Variants in TXNRD1 observed in about 807,000 individuals in gnomAD.
The protein encoded by TXNRD1 is thioredoxin reductase 1, cytoplasmic.
Under a neutral mutation model 80.3 loss-of-function variants are expected in TXNRD1, and 57 were observed. The observed-to-expected ratio is 0.71, with a 90% CI of 0.57 to 0.89. The LOEUF (loss-of-function observed/expected upper bound fraction) is 0.89, where lower values mean the gene tolerates loss of function less well. Ranked by LOEUF, TXNRD1 falls within the 40% of genes least tolerant of loss-of-function variation. TXNRD1 has a pLI of 0.00. For synonymous variants in TXNRD1, 291 were observed against 285.2 expected, an observed-to-expected ratio of 1.02 and a Z score of -0.20; for missense variants, 730 against 803.0, an observed-to-expected ratio of 0.91 and a Z score of 1.10.
Position 104,318,326 on chromosome 12 carries a change from C to T in TXNRD1, c.731-587C>T, listed in dbSNP as rs964566989. Among the ~76,000 whole-genome samples the T allele has an allele frequency of 3.3e-5, 5 of 152,062 alleles. No homozygotes were observed. The East Asian group carries it at 5.8e-4, about 18-fold the overall frequency. ...AAATGAATAGTCAGTGAATTTTTTCCGTAAAAGGCCATATGGTAAATATTT... is the reference window on the plus strand; with the variant it reads ...AAATGAATAGTCAGTGAATTTTTTCTGTAAAAGGCCATATGGTAAATATTT... On this transcript the variant is annotated intron_variant, in intron 7 of 16. Coordinates refer to ENST00000525566, the MANE Select transcript of TXNRD1 (RefSeq NM_001093771.3).
chr12:104,334,621 C>T (rs1002363628), intron 15 of TXNRD1, among the ~76,000 whole-genome samples: 4 of 152,186 alleles, frequency 2.6e-5, no homozygotes, highest in Non-Finnish European at 5.9e-5. Context: ...CTGCCTGTCT[C>T]GGCCTCCCAA....
chr12:104,321,311 A>G lies in TXNRD1; in HGVS notation c.1210A>G (p.Ile404Val). ...CAAGTTTATAAGACAGTTCGTACCA[A>G]TTAAAGTAAGTGGGTTTGCCTGTAG... ...GIKFIRQFVP[I>V]KVEQIEAGTP... The change falls in exon 10 of 17, where the codon ATT becomes GTT. Residue 404 changes from isoleucine to valine, a missense_variant. Physicochemically the swap from Ile to Val is conservative, Grantham distance 29. Transcript: ENST00000525566. The G allele has an allele frequency of 1.2e-6, 2 of 1,613,676 alleles. No individual in the cohort carries two copies. The highest frequency in any genetic ancestry group is 1.7e-6 in the Non-Finnish European group (2 of 1,179,614).
intron 3 of TXNRD1, chr12:104,265,947 C>CA: frequency 2.0e-6 from 1 of 493,972 alleles, no homozygotes; most frequent in Non-Finnish European, 3.2e-6. Flanking sequence ...CAGTCCCACA[C>CA]AAAATCTTAA....
chr12:104,310,503 T>A (rs368460128), intron 4 of TXNRD1, among the ~76,000 whole-genome samples: 1 of 152,222 alleles, frequency 6.6e-6, no homozygotes, highest in South Asian at 2.1e-4. Flanking sequence ...TCTCAGTCAT[T>A]ATCTCTTGTT....
chr12:104,229,576 T>TTATTTTATTTTATTTTATTG (rs1307954861), intron 1 of TXNRD1, among the ~76,000 whole-genome samples: 6 of 149,780 alleles, frequency 4.0e-5, no homozygotes, highest in African/African-American at 1.2e-4. Flanking sequence ...TTATTTTATT[T>TTATTTTATTTTATTTTATTG]TATTTTATTT....
Position 104,310,242 on chromosome 12 carries a change from C to T in TXNRD1, c.415-1048C>T, listed in dbSNP as rs1018213210. 2.5e-5 allele frequency: 23 copies of T among 921,304 alleles called. No individual in the cohort carries two copies. In the Admixed American group the frequency reaches 2.7e-4, roughly 11 times the overall value. 57.1% of individuals were successfully genotyped at this position (921,304 alleles called of 1,614,324 possible). A position where few individuals can be genotyped will look rare whatever the true frequency, so the allele number is the denominator to read the frequency against. On this transcript the variant is annotated intron_variant, in intron 4 of 16. Transcript: ENST00000525566. ...TTGGCTCACTGCAACGTCTGCCTCC[C>T]GGGTTCAAGCGCTTCTCCTGCCTCA...
In TXNRD1 at chr12:104,294,240, C is replaced by CCCT. The variant is rs2034350839; in HGVS notation, c.414+5202_414+5203insTCC. ...AAACTCCCCCGGGGAAAGGCCCCCC[C>CCCT]CCCCGCCGCCGGCTTTCCCGGTCTG... On this transcript the variant is annotated intron_variant, in intron 4 of 16. Coordinates refer to ENST00000525566, the MANE Select transcript of TXNRD1 (RefSeq NM_001093771.3). Among the ~76,000 whole-genome samples, 5 of 123,636 alleles carry CCCT rather than the reference C, an allele frequency of 4.0e-5. 2 individuals are homozygous for CCCT. Among genetic ancestry groups the CCCT allele is most frequent in the Non-Finnish European group, 8.9e-5 (5 of 56,446 alleles). The allele number at this position is 123,636 out of a possible 152,430, so 81.1% of individuals were successfully genotyped here.
intron 3 of TXNRD1, among the ~76,000 whole-genome samples, chr12:104,261,658 A>G (rs2033370914): frequency 6.6e-6 from 1 of 152,238 alleles, no homozygotes; most frequent in South Asian, 2.1e-4. Flanking sequence ...ATTGCAACAA[A>G]TTAATCCAGA....
At chr12:104,222,212 T>TA (rs573979754) in intron 1 of TXNRD1, among the ~76,000 whole-genome samples, 131 of 152,286 alleles carry the variant, frequency 8.6e-4, no homozygotes, top group Admixed American at 1.9e-3. Context: ...GGCACACATT[T>TA]AAAAAATGAG....
intron 16 of TXNRD1, among the ~76,000 whole-genome samples, chr12:104,344,481 G>A (rs2135897713): frequency 6.6e-6 from 1 of 152,018 alleles, no homozygotes; most frequent in East Asian, 1.9e-4. Flanking sequence ...CACAATAATT[G>A]TACATATTTA....
rs574631890 is a variant in TXNRD1, at chr12:104,228,373, C to T, written c.91+12480C>T. 2.0e-5 allele frequency among the ~76,000 whole-genome samples: 3 copies of T among 151,690 alleles called. No homozygotes were observed. The East Asian group carries it at 5.8e-4, about 29-fold the overall frequency. ...ATAGGCCGGTTGTGGTGGCTTACTC[C>T]TGTAATCCCAGCACTTTGGAGGCTG... On this transcript the variant is annotated intron_variant, in intron 1 of 16. Transcript: ENST00000525566.
rs568313882 is a variant in TXNRD1, at chr12:104,283,503, G to A, written c.305-5428G>A. ...CTGACCTCGTAATCCACCTGCCTCC[G>A]CCTCCCAAAGTGTTGGGATTTCAGC... On this transcript the variant is annotated intron_variant, in intron 3 of 16. Transcript: ENST00000525566. 3.3e-5 allele frequency among the ~76,000 whole-genome samples: 5 copies of A among 151,578 alleles called. No homozygotes were observed. The South Asian group carries it at 1.1e-3, about 32-fold the overall frequency.
chr12:104,218,320 G>C (rs537647605), intron 1 of TXNRD1, among the ~76,000 whole-genome samples: 1 of 151,982 alleles, frequency 6.6e-6, no homozygotes, highest in African/African-American at 2.4e-5. Context: ...CACCACGCCC[G>C]GCCTGAACTA....
chr12:104,232,869 G>GTT, intron 1 of TXNRD1, among the ~76,000 whole-genome samples: 1 of 152,304 alleles, frequency 6.6e-6, no homozygotes, highest in South Asian at 2.1e-4. Context: ...AAAAGCAGAG[G>GTT]TTTTTATCCC....
intron 4 of TXNRD1, among the ~76,000 whole-genome samples, chr12:104,309,130 G>A (rs1042506078): frequency 2.0e-5 from 3 of 152,056 alleles, no homozygotes; most frequent in Non-Finnish European, 4.4e-5. Context: ...GAACTCCTGA[G>A]CTCAGGCAGC....
chr12:104,251,356 A>G (rs2033113459), intron 1 of TXNRD1, among the ~76,000 whole-genome samples, 171 bp from the exon 2 acceptor site: 1 of 152,236 alleles, frequency 6.6e-6, no homozygotes. Flanking sequence ...GGTTCCAGTC[A>G]GATGAAAGAA....
intron 11 of TXNRD1, 34 bp downstream of exon 11, chr12:104,325,463 A>C (rs1402562709): frequency 1.4e-6 from 2 of 1,480,910 alleles, no homozygotes; most frequent in Non-Finnish European, 1.9e-6. Context: ...ACTTTATCAG[A>C]AAGCAAATAA....
chr12:104,224,630 T>G (rs1475657813), intron 1 of TXNRD1, among the ~76,000 whole-genome samples: 5 of 152,170 alleles, frequency 3.3e-5, no homozygotes, highest in Non-Finnish European at 5.9e-5. Context: ...GTGATCTGCC[T>G]GCCTTGGACT....
At position 104,232,999 on chromosome 12, in the gene TXNRD1, T is replaced by C. The variant is rs144447931; in HGVS notation, c.91+17106T>C. On this transcript the variant is annotated intron_variant, in intron 1 of 16. Coordinates refer to ENST00000525566, the MANE Select transcript of TXNRD1 (RefSeq NM_001093771.3). ...CTTTCCTAAATAGGTAAATGCACAA[T>C]GGAGAACAAAGGAAGGAAGGGGGTT... 1.6e-3 allele frequency among the ~76,000 whole-genome samples: 238 copies of C among 152,240 alleles called. 3 individuals are homozygous for C. The highest frequency in any genetic ancestry group is 0.01 in the Middle Eastern group (3 of 294).
Sources: allele counts gnomAD v4.1 joint callset (sites outside exome capture counted in the v4.1 genomes callset), GRCh38; gene constraint gnomAD v4.1.1; transcripts MANE v1.5; gene names NCBI Gene and HGNC (gene_info 2026-07-23, HGNC 2026-07-21).